UNC79: variants seen among roughly 807,000 people sequenced by gnomAD.
UNC79 encodes the protein unc-79 subunit of NALCN channel complex.
UNC79 carries 37 observed loss-of-function variants against 283.1 expected under a neutral mutation model. That is an observed-to-expected ratio of 0.13 (90% CI 0.10 to 0.17). UNC79 has a LOEUF of 0.17. Among genes scored for constraint, UNC79 ranks in the 10% least tolerant of loss-of-function variants. The pLI, the probability that UNC79 is intolerant of heterozygous loss-of-function variation, is 1.00. For synonymous variants in UNC79, 1,107 were observed against 1,200.2 expected, an observed-to-expected ratio of 0.92 and a Z score of 1.61; for missense variants, 2,272 against 3,211.1, an observed-to-expected ratio of 0.71 and a Z score of 7.07.
chr14:93,426,030 C>G (rs565839425), upstream of UNC79, among the ~76,000 whole-genome samples: 3 of 152,294 alleles, frequency 2.0e-5, no homozygotes, highest in Admixed American at 2.0e-4. Context: ...TCTCAGTTCT[C>G]TTCCATCTGA....
chr14:93,425,837 T>C (rs763891374), upstream of UNC79, among the ~76,000 whole-genome samples: 8 of 152,182 alleles, frequency 5.3e-5, no homozygotes, highest in Non-Finnish European at 1.0e-4. Flanking sequence ...AAAAGATTGG[T>C]AGGCTGGTTA....
At chr14:93,691,864 G>C in exon 46 of UNC79, 1 of 1,614,178 alleles carries the variant, frequency 6.2e-7, no homozygotes, top group Non-Finnish European at 8.5e-7. Context: ...AATGAATTCA[G>C]CTTCACGGCG....
intron 1 of UNC79, among the ~76,000 whole-genome samples, chr14:93,397,866 C>T (rs1293539835): frequency 6.6e-6 from 1 of 151,700 alleles, no homozygotes; most frequent in East Asian, 1.9e-4. Context: ...TGAGACCAGC[C>T]TGGACAACAT....
chr14:93,617,658 A>AT lies in UNC79; in HGVS notation c.4224+358dup, dbSNP rs1369057244. 6.6e-6 allele frequency among the ~76,000 whole-genome samples: 1 copy of AT among 152,210 alleles called. No homozygotes were observed. Among genetic ancestry groups the AT allele is most frequent in the Non-Finnish European group, 1.5e-5 (1 of 68,030 alleles). On this transcript the variant is annotated intron_variant, in intron 28 of 48. Coordinates refer to ENST00000555664, the Ensembl canonical transcript of UNC79. The surrounding 1 kb of genome is among the most constrained non-coding windows in gnomAD (Gnocchi z 4.5). ...ATCCACTAAAGGTTTATGCCAGATAATTTTCTTGAAAAGAAATGTAACTAT... is the reference window on the plus strand; with the variant it reads ...ATCCACTAAAGGTTTATGCCAGATAATTTTTCTTGAAAAGAAATGTAACTAT...
intron 1 of UNC79, among the ~76,000 whole-genome samples, chr14:93,466,033 A>G (rs1265008442): frequency 6.6e-6 from 1 of 152,262 alleles, no homozygotes; most frequent in Non-Finnish European, 1.5e-5. Flanking sequence ...AGATTATGCA[A>G]TCAAACTGTT....
At chr14:93,384,160 G>A (rs1235658527) in intron 1 of UNC79, among the ~76,000 whole-genome samples, 1 of 152,196 alleles carries the variant, frequency 6.6e-6, no homozygotes, top group Non-Finnish European at 1.5e-5. Context: ...CAATAACATG[G>A]GAGTGCAGAT....
At chr14:93,559,750 T>C (rs1052241662) in intron 14 of UNC79, among the ~76,000 whole-genome samples, 1 of 152,224 alleles carries the variant, frequency 6.6e-6, no homozygotes, top group Admixed American at 6.5e-5. Flanking sequence ...TCACTTCTTT[T>C]GTGATTCTTC....
intron 27 of UNC79, among the ~76,000 whole-genome samples, chr14:93,615,720 CAAAAAAAA>C (rs1158073507): frequency 1.7e-4 from 4 of 23,292 alleles, no homozygotes; most frequent in African/African-American, 4.1e-4. Context: ...GACTCCATCT[CAAAAAAAA>C]AAAAAAAAAA....
At chr14:93,451,043 T>G (rs2056623233) in intron 1 of UNC79, among the ~76,000 whole-genome samples, 1 of 152,114 alleles carries the variant, frequency 6.6e-6, no homozygotes, top group Admixed American at 6.5e-5. Context: ...TTCTTCACTG[T>G]ATCTTGTTTT....
intron 26 of UNC79, chr14:93,604,941 G>C (rs2065777920): frequency 7.6e-6 from 12 of 1,585,266 alleles, no homozygotes; most frequent in South Asian, 1.1e-5. Context: ...GCTCTCGGTG[G>C]GACACCCGAA....
chr14:93,383,203 A>G (rs1346051678), intron 1 of UNC79, among the ~76,000 whole-genome samples: 2 of 152,168 alleles, frequency 1.3e-5, no homozygotes, highest in Non-Finnish European at 2.9e-5. Flanking sequence ...TTGTGGGTTC[A>G]TTCTCAGCTT....
chr14:93,579,123 T>G (rs2063635142), intron 18 of UNC79, among the ~76,000 whole-genome samples: 1 of 152,192 alleles, frequency 6.6e-6, no homozygotes, highest in Non-Finnish European at 1.5e-5. Context: ...TCATGCATTT[T>G]TTTGGCAGGA....
At chr14:93,501,139 A>G (rs1376770321) in intron 7 of UNC79, among the ~76,000 whole-genome samples, 1 of 152,068 alleles carries the variant, frequency 6.6e-6, no homozygotes, top group Non-Finnish European at 1.5e-5. Flanking sequence ...AGCCTGGCCA[A>G]CGTGGTGAAA....
At chr14:93,665,691 C>A (rs538311491) in intron 40 of UNC79, among the ~76,000 whole-genome samples, 6 of 151,050 alleles carry the variant, frequency 4.0e-5, no homozygotes, top group Admixed American at 4.0e-4. Flanking sequence ...TTCTCAACAG[C>A]ACAATAGAAG....
At chr14:93,599,742 A>T (rs1007395497) in intron 24 of UNC79, among the ~76,000 whole-genome samples, 1 of 152,232 alleles carries the variant, frequency 6.6e-6, no homozygotes, top group African/African-American at 2.4e-5. Flanking sequence ...ATCCATTCCA[A>T]CTTTGATTAA....
At chr14:93,702,524 C>G (rs2075605315) in intron 47 of UNC79, among the ~76,000 whole-genome samples, 1 of 152,136 alleles carries the variant, frequency 6.6e-6, no homozygotes, top group Non-Finnish European at 1.5e-5. Context: ...GCCTTGGGAA[C>G]AAAAACAGGG....
rs1024778309 is a variant in UNC79, at chr14:93,587,044, C to CT, written c.3032+140dup. ...ACAGCTCGATTGCCTATGATAACTA[C>CT]TTTTATTTTTCTTTTTTAGTCTAAT... On this transcript the variant is annotated intron_variant, in intron 22 of 48. Coordinates refer to ENST00000555664, the Ensembl canonical transcript of UNC79. 7 of 1,039,194 alleles carry CT rather than the reference C, an allele frequency of 6.7e-6. No individual in the cohort carries two copies. In the African/African-American group the frequency reaches 1.1e-4, roughly 17 times the overall value. The allele number at this position is 1,039,194 out of a possible 1,614,324, so 64.4% of individuals were successfully genotyped here. A position where few individuals can be genotyped will look rare whatever the true frequency, so the allele number is the denominator to read the frequency against.
intron 14 of UNC79, among the ~76,000 whole-genome samples, chr14:93,556,708 T>G (rs917932314): frequency 3.9e-5 from 6 of 151,966 alleles, no homozygotes; most frequent in Admixed American, 2.0e-4. Flanking sequence ...CCAAAAACCT[T>G]TTTTTCAAAA....
chr14:93,561,069 A>C (rs2062517187), intron 14 of UNC79, among the ~76,000 whole-genome samples: 2 of 152,148 alleles, frequency 1.3e-5, no homozygotes, highest in Admixed American at 1.3e-4. Context: ...GTGTCTTCCT[A>C]AGCAATAATT....
Sources: gnomAD v4.1 joint callset for allele counts (sites outside exome capture counted in the v4.1 genomes callset) on GRCh38, gnomAD v4.1.1 for gene constraint, Gnocchi (gnomAD v3.1) non-coding constraint, MANE v1.5 for transcripts, NCBI Gene and HGNC (gene_info 2026-07-23, HGNC 2026-07-21) for gene names.